The following POLR3B variants were observed in gnomAD, a reference collection of about 807,000 sequenced individuals.
POLR3B encodes DNA-directed RNA polymerase III subunit RPC2.
Under a neutral mutation model 147.4 loss-of-function variants are expected in POLR3B, and 96 were observed. That is an observed-to-expected ratio of 0.65 (90% confidence interval 0.55 to 0.77). POLR3B has a LOEUF of 0.77. POLR3B is among the 30% of genes least tolerant of loss of function. The pLI is 0.00. For missense variants in POLR3B, 1,036 were observed against 1,413.5 expected, an observed-to-expected ratio of 0.73 and a Z score of 4.28; for synonymous variants, 461 against 485.9, an observed-to-expected ratio of 0.95 and a Z score of 0.67.
At chr12:106,386,473 CTCTT>C (rs1260578636) in intron 9 of POLR3B, among the ~76,000 whole-genome samples, 3 of 151,690 alleles carry the variant, frequency 2.0e-5, no homozygotes, top group Non-Finnish European at 4.4e-5. Context: ...ATGCATAGTA[CTCTT>C]TCTTTCTACC....
intron 17 of POLR3B, 40 bp downstream of exon 17, chr12:106,437,171 C>A: frequency 8.1e-7 from 1 of 1,227,600 alleles, no homozygotes; most frequent in Non-Finnish European, 1.2e-6. Flanking sequence ...CTCCTTAATA[C>A]CCACATACAT....
At chr12:106,432,526 A>T in intron 15 of POLR3B, 46 bp downstream of exon 15, 6 of 1,452,222 alleles carry the variant, frequency 4.1e-6, no homozygotes, top group Non-Finnish European at 5.8e-6. Flanking sequence ...GTCTGTGAAG[A>T]GGGGGAGGGA....
Position 106,378,443 on chromosome 12 carries a change from G to A in POLR3B, c.614+59G>A, listed in dbSNP as rs114687611. 3,822 of 1,041,412 alleles carry A rather than the reference G, an allele frequency of 3.7e-3. 99 individuals are homozygous for A. The African/African-American group carries it at 0.054, about 15-fold the overall frequency. 64.5% of individuals were successfully genotyped at this position (1,041,412 alleles called of 1,614,324 possible). ...ATTGGTCATTCCATTAGTCCTAAATGGCTATGTTTCAATACAGAGGGAGCC... is the reference window on the plus strand; with the variant it reads ...ATTGGTCATTCCATTAGTCCTAAATAGCTATGTTTCAATACAGAGGGAGCC... On this transcript the variant is annotated intron_variant, in intron 8 of 27. Coordinates refer to ENST00000228347, the MANE Select transcript of POLR3B (RefSeq NM_018082.6).
chr12:106,461,362 G>T (rs114233172), intron 22 of POLR3B, among the ~76,000 whole-genome samples: 2 of 152,022 alleles, frequency 1.3e-5, no homozygotes, highest in South Asian at 2.1e-4. Context: ...CAAAGTGCTG[G>T]GAGTCATAAG....
chr12:106,474,609 G>A (rs1394731746), intron 23 of POLR3B, among the ~76,000 whole-genome samples: 13 of 148,314 alleles, frequency 8.8e-5, no homozygotes, highest in Admixed American at 6.1e-4. Context: ...TGTAGGTGTC[G>A]AGGAATGTAT....
At chr12:106,425,403 T>C (rs1423479537) in intron 12 of POLR3B, among the ~76,000 whole-genome samples, 1 of 152,182 alleles carries the variant, frequency 6.6e-6, no homozygotes, top group Admixed American at 6.5e-5. Context: ...TGCTAGTTAC[T>C]GTAGGTGCAG....
At chr12:106,358,721 C>T (rs1008914588) in intron 1 of POLR3B, among the ~76,000 whole-genome samples, 1 of 152,136 alleles carries the variant, frequency 6.6e-6, no homozygotes, top group Non-Finnish European at 1.5e-5. Context: ...TCGGCAAGAC[C>T]ATTGGATGTT....
chr12:106,494,256 A>G (rs183787121), intron 23 of POLR3B, among the ~76,000 whole-genome samples: 19 of 152,244 alleles, frequency 1.2e-4, no homozygotes, highest in African/African-American at 3.6e-4. Flanking sequence ...CCCACCCCCA[A>G]TATAAGTATG....
intron 16 of POLR3B, 51 bp downstream of exon 16, chr12:106,433,923 C>T (rs1565895318): frequency 1.4e-6 from 2 of 1,449,902 alleles, no homozygotes; most frequent in African/African-American, 1.4e-5. Flanking sequence ...TTTATATTTG[C>T]TCTTGAAAGA....
chr12:106,470,887 G>A (rs923285303), intron 23 of POLR3B, among the ~76,000 whole-genome samples: 3 of 152,108 alleles, frequency 2.0e-5, no homozygotes, highest in South Asian at 4.2e-4. Flanking sequence ...CTACTGGGAG[G>A]TGTCTCCCAG....
In POLR3B at chr12:106,377,071, G is replaced by A. The variant is rs1466382052; in HGVS notation, c.496+621G>A. 2.6e-5 allele frequency among the ~76,000 whole-genome samples: 4 copies of A among 152,136 alleles called. No individual in the cohort carries two copies. In the East Asian group the frequency reaches 7.7e-4, roughly 29 times the overall value. ...AAAAATTCAAGAATAATCTTCCAGA[G>A]TTACTGGCCTTGCCTGGTTGAAAAA... On this transcript the variant is annotated intron_variant, in intron 7 of 27. Transcript: ENST00000228347.
intron 18 of POLR3B, among the ~76,000 whole-genome samples, chr12:106,439,886 A>T (rs2037626257): frequency 6.6e-6 from 1 of 151,954 alleles, no homozygotes. Context: ...GTGAGACCTC[A>T]TCTCTACTAA....
At chr12:106,454,788 C>T in intron 20 of POLR3B, 77 bp downstream of exon 20, 1 of 813,296 alleles carries the variant, frequency 1.2e-6, no homozygotes. Context: ...GTAAAAATCA[C>T]TTGGTTAATG....
intron 12 of POLR3B, among the ~76,000 whole-genome samples, chr12:106,420,736 G>A (rs770600106): frequency 2.6e-5 from 4 of 151,800 alleles, no homozygotes; most frequent in Non-Finnish European, 5.9e-5. Context: ...ATATCACTGT[G>A]GTTTAATAGC....
chr12:106,363,390 C>A (rs2036493915), intron 1 of POLR3B, among the ~76,000 whole-genome samples: 1 of 152,178 alleles, frequency 6.6e-6, no homozygotes, highest in South Asian at 2.1e-4. Context: ...TTAACTCTAT[C>A]CCTCTAGTTG....
intron 11 of POLR3B, among the ~76,000 whole-genome samples, chr12:106,407,091 A>G (rs746685683): frequency 4.6e-5 from 7 of 152,256 alleles, no homozygotes; most frequent in Non-Finnish European, 7.3e-5. Context: ...CCATTTGTGC[A>G]TGTCCTTGAT....
intron 6 of POLR3B, among the ~76,000 whole-genome samples, chr12:106,371,253 G>C (rs1241582014): frequency 6.6e-6 from 1 of 152,174 alleles, no homozygotes; most frequent in African/African-American, 2.4e-5. Flanking sequence ...CATCTCACAT[G>C]AGTTAGAATG....
At chr12:106,505,907 A>T (rs2038680153) in intron 27 of POLR3B, among the ~76,000 whole-genome samples, 1 of 152,194 alleles carries the variant, frequency 6.6e-6, no homozygotes, top group Non-Finnish European at 1.5e-5. Context: ...GCTCCTTAAA[A>T]CGCAGTGTAT....
intron 10 of POLR3B, among the ~76,000 whole-genome samples, chr12:106,404,860 T>G (rs1256951331): frequency 5.3e-5 from 8 of 152,194 alleles, no homozygotes; most frequent in Admixed American, 5.2e-4. Context: ...TCTTGAAACT[T>G]TATAGTTTTT....
Sources: allele counts gnomAD v4.1 joint callset (sites outside exome capture counted in the v4.1 genomes callset), GRCh38; gene constraint gnomAD v4.1.1; transcripts MANE v1.5; gene names NCBI Gene and HGNC (gene_info 2026-07-23, HGNC 2026-07-21).